The following PFKFB3 variants were observed in gnomAD, a reference collection of about 807,000 sequenced individuals.
PFKFB3 encodes the protein 6-phosphofructo-2-kinase/fructose-2,6-biphosphatase 3.
Under a neutral mutation model 68.0 loss-of-function variants are expected in PFKFB3, and 33 were observed. The ratio of observed to expected loss-of-function variants is 0.49; its 90% CI spans 0.37 to 0.65. The LOEUF is 0.65. Ranked by LOEUF, PFKFB3 falls within the 30% of genes least tolerant of loss-of-function variation. The pLI is 0.00. For synonymous variants in PFKFB3, 315 were observed against 288.2 expected (o/e 1.09, Z -0.94); for missense variants, 586 against 712.2 (o/e 0.82, Z 2.02).
chr10:6,221,482 G>A lies in PFKFB3; in HGVS notation c.933G>A (p.Leu311=), dbSNP rs1844953545. 6.2e-7 allele frequency: 1 copy of A among 1,613,504 alleles called. No homozygotes were observed. Among genetic ancestry groups the A allele is most frequent in the South Asian group, 1.1e-5 (1 of 91,084 alleles). The change falls in exon 9 of 15, where the codon CTG becomes CTA. Residue 311 remains leucine (L), a synonymous_variant. Transcript: ENST00000379775. ...GCACCATCCAGACGGCCGAGGCGCTGCGGCTGCCCTACGAGCAGTGGAAGG... is the reference window on the plus strand; with the variant it reads ...GCACCATCCAGACGGCCGAGGCGCTACGGCTGCCCTACGAGCAGTGGAAGG... The part of the protein sequence containing the change: ...LKSTIQTAEA[L]RLPYEQWKAL...
downstream of PFKFB3, among the ~76,000 whole-genome samples, chr10:6,255,754 G>C (rs541668255): frequency 6.6e-6 from 1 of 152,302 alleles, no homozygotes; most frequent in Admixed American, 6.5e-5. Flanking sequence ...CAATGTCCAG[G>C]CTCAGAGAAG....
downstream of PFKFB3, among the ~76,000 whole-genome samples, chr10:6,239,651 C>T (rs1344420686): frequency 6.6e-6 from 1 of 152,132 alleles, no homozygotes; most frequent in Non-Finnish European, 1.5e-5. Flanking sequence ...TGGGGATTTC[C>T]TATTCCTGGA....
chr10:6,200,718 G>T (rs1219792731), upstream of PFKFB3, among the ~76,000 whole-genome samples: 1 of 145,448 alleles, frequency 6.9e-6, no homozygotes, highest in Non-Finnish European at 1.5e-5. Flanking sequence ...ACTTCCTTTT[G>T]CCTGCTGCAG....
the PFKFB3 span, among the ~76,000 whole-genome samples, chr10:6,307,330 T>TACACACAC: frequency 3.7e-3 from 363 of 99,244 alleles, 2 homozygotes; most frequent in Non-Finnish European, 7.1e-3. Flanking sequence ...GCATGCGTAC[T>TACACACAC]ACACACACAC....
chr10:6,199,482 C>CTT (rs58813981), upstream of PFKFB3, among the ~76,000 whole-genome samples: 7 of 141,608 alleles, frequency 4.9e-5, no homozygotes, highest in East Asian at 2.0e-4. Context: ...CAGGCACTTG[C>CTT]TTTTTTTTTT....
rs1407861112 is a variant in PFKFB3 at position 6,220,194 on chromosome 10, T to C, written c.624-464T>C. Among the ~76,000 whole-genome samples the C allele has an allele frequency of 6.7e-6, 1 of 149,492 alleles. No individual in the cohort carries two copies. Among genetic ancestry groups the C allele is most frequent in the Non-Finnish European group, 1.5e-5 (1 of 67,408 alleles). ...ATAGCTCACTGCAGGTTCAAACTTCTGGGCTCAAGTAATCCTACCGCCTCA... is the reference window on the plus strand; with the variant it reads ...ATAGCTCACTGCAGGTTCAAACTTCCGGGCTCAAGTAATCCTACCGCCTCA... On this transcript the variant is annotated intron_variant, in intron 7 of 14. Coordinates refer to ENST00000379775, the MANE Select transcript of PFKFB3 (RefSeq NM_004566.4). The surrounding 1 kb of genome is among the most constrained non-coding windows in gnomAD (Gnocchi z 4.1).
chr10:6,185,208 C>T (rs887035754), intron 1 of PFKFB3, among the ~76,000 whole-genome samples: 10 of 152,190 alleles, frequency 6.6e-5, no homozygotes, highest in Non-Finnish European at 1.3e-4. Context: ...AGCTCTTTCT[C>T]TGCTCCTCTC....
chr10:6,188,874 C>G (rs181200472), intron 1 of PFKFB3, among the ~76,000 whole-genome samples: 3,084 of 145,148 alleles, frequency 0.021, 53 homozygotes, highest in Non-Finnish European at 0.031. Flanking sequence ...TCGCTCTGTC[C>G]CCCAGGCTGG....
downstream of PFKFB3, among the ~76,000 whole-genome samples, chr10:6,239,023 T>C (rs1477285195): frequency 6.6e-6 from 1 of 152,204 alleles, no homozygotes; most frequent in Non-Finnish European, 1.5e-5. Context: ...AGTGCTGCAA[T>C]GAACATACGC....
At chr10:6,198,940 A>G (rs545535308), upstream of PFKFB3, among the ~76,000 whole-genome samples, 14 of 152,368 alleles carry the variant, frequency 9.2e-5, 1 homozygote, top group South Asian at 1.0e-3. Context: ...ATAAACATCT[A>G]TGTGCATGTT....
chr10:6,169,331 T>TAG (rs1054295277), intron 1 of PFKFB3, among the ~76,000 whole-genome samples: 2 of 152,140 alleles, frequency 1.3e-5, no homozygotes, highest in African/African-American at 4.8e-5. Context: ...TTCTTAGTCT[T>TAG]ACGCAGGGAG....
In PFKFB3 at chr10:6,228,397, A is replaced by G. The variant is rs1845498960; in HGVS notation, c.1515+2032A>G. The G allele has an allele frequency of 7.1e-6, 5 of 707,450 alleles. No individual in the cohort carries two copies. The highest frequency in any genetic ancestry group is 3.5e-5 in the African/African-American group (2 of 57,210). The allele number at this position is 707,450 out of a possible 1,614,324, so 43.8% of individuals were successfully genotyped here. ...GAGAGATTCCTGAATGTTTTTGGAA[A>G]AGCGTGCAGGCGGTCATGGTGGCTG... is the stretch of plus-strand genomic sequence containing the variant. On this transcript the variant is annotated intron_variant, in intron 14 of 14. Transcript: ENST00000379775. The surrounding 1 kb of genome is among the most constrained non-coding windows in gnomAD (Gnocchi z 4.5).
At chr10:6,145,316 C>G (rs549011982) in intron 1 of PFKFB3, among the ~76,000 whole-genome samples, 3 of 152,100 alleles carry the variant, frequency 2.0e-5, no homozygotes, top group Admixed American at 1.3e-4. Flanking sequence ...TCCTTTCCGG[C>G]CCCGCGTCTC....
chr10:6,301,575 A>G, the PFKFB3 span, among the ~76,000 whole-genome samples: 1 of 152,226 alleles, frequency 6.6e-6, no homozygotes, highest in African/African-American at 2.4e-5. Context: ...ACTTACTGCA[A>G]TAACAGATAG....
Position 6,224,208 on chromosome 10 carries a change from T to C in PFKFB3, c.1336T>C (p.Ser446Pro). The change falls in exon 13 of 15, where the codon TCA (serine) becomes CCA (proline). Residue 446 changes from serine (S) to proline (P), a missense_variant. Coordinates refer to ENST00000379775, the MANE Select transcript of PFKFB3 (RefSeq NM_004566.4). ...GTCCGTCTGCACACACCGGGAGAGG[T>C]CAGAGGTGAGTGGAGGCCCCAAGCC... is the stretch of plus-strand genomic sequence containing the variant. ...VESVCTHRER[S>P]EDAKKGPNPL... 1.2e-6 allele frequency: 2 copies of C among 1,613,550 alleles called. No individual in the cohort carries two copies. Among genetic ancestry groups the C allele is most frequent in the Non-Finnish European group, 8.5e-7 (1 of 1,179,846 alleles).
At chr10:6,304,086 G>T in the PFKFB3 span, among the ~76,000 whole-genome samples, 14 of 152,306 alleles carry the variant, frequency 9.2e-5, no homozygotes, top group East Asian at 2.7e-3. Flanking sequence ...TCTAATCAGA[G>T]TTTTAGTGCC....
chr10:6,229,116 A>C lies in PFKFB3; in HGVS notation c.1515+2751A>C. On this transcript the variant is annotated intron_variant, in intron 14 of 14. Transcript: ENST00000379775. This position sits in a 1 kb window ranked among gnomAD's most constrained non-coding sequence, Gnocchi z 4.3. ...CTTAACTACTTTATGCAGAAACTGGAAAGGTGTGATGAGGAATGCAGCCTG... is the reference window on the plus strand; with the variant it reads ...CTTAACTACTTTATGCAGAAACTGGCAAGGTGTGATGAGGAATGCAGCCTG... The C allele has an allele frequency of 1.9e-6, 1 of 526,710 alleles. No individual in the cohort carries two copies. The allele number at this position is 526,710 out of a possible 1,614,324, so 32.6% of individuals were successfully genotyped here. A position where few individuals can be genotyped will look rare whatever the true frequency, so the allele number is the denominator to read the frequency against.
chr10:6,266,005 C>A, the PFKFB3 span, among the ~76,000 whole-genome samples: 89,198 of 151,594 alleles, frequency 0.59, 26,839 homozygotes, highest in Non-Finnish European at 0.67. Context: ...TGACCTCCTG[C>A]GCTCAAGGAA....
At chr10:6,201,403 T>C (rs974690641), upstream of PFKFB3, among the ~76,000 whole-genome samples, 3 of 142,316 alleles carry the variant, frequency 2.1e-5, no homozygotes, top group African/African-American at 7.7e-5. This position sits in a 1 kb window ranked among gnomAD's most constrained non-coding sequence, Gnocchi z 4.1. Context: ...ACAGGGGCTC[T>C]GAGAGGGCGG....
Sources: gnomAD v4.1 joint callset for allele counts (sites outside exome capture counted in the v4.1 genomes callset) on GRCh38, gnomAD v4.1.1 for gene constraint, Gnocchi (gnomAD v3.1) non-coding constraint, MANE v1.5 for transcripts, NCBI Gene and HGNC (gene_info 2026-07-23, HGNC 2026-07-21) for gene names.